RIPK3: variants seen among roughly 807,000 people sequenced by gnomAD.
RIPK3 encodes the protein receptor interacting serine/threonine kinase 3.
A neutral mutation model predicts 51.6 loss-of-function variants in RIPK3; 51 were observed. The observed-to-expected ratio is 0.99, with a 90% CI of 0.79 to 1.25. The LOEUF is 1.25. Ranked by LOEUF, RIPK3 falls within the 50% of genes most tolerant of loss-of-function variation. The pLI, the probability that RIPK3 is intolerant of heterozygous loss-of-function variation, is 0.00. For missense variants in RIPK3, 654 were observed against 650.4 expected, an observed-to-expected ratio of 1.01 and a Z score of -0.06; for synonymous variants, 246 against 257.7, an observed-to-expected ratio of 0.95 and a Z score of 0.44.
chr14:24,336,318 T>C lies in RIPK3; in HGVS notation c.1414A>G (p.Thr472Ala), dbSNP rs748839941. Residue 472 changes from threonine (T) to alanine (A), a missense_variant, in exon 10 of 10, where the codon ACT becomes GCT. Transcript: ENST00000216274. ...GCCAAGCCCCATGTGGGCAAGGCAG[T>C]TGTCTGTTGCATAGTCAAGTAGTTG... is the stretch of plus-strand genomic sequence containing the variant. ...DNNYLTMQQT[T>A]ALPTWGLAPS... 58 of 1,613,438 alleles carry C rather than the reference T, an allele frequency of 3.6e-5. No individual in the cohort carries two copies. Among genetic ancestry groups the C allele is most frequent in the Non-Finnish European group, 4.7e-5 (56 of 1,179,538 alleles).
At position 24,339,547 on chromosome 14, in the gene RIPK3, TG is replaced by T; in HGVS notation, c.70del (p.Gln24ArgfsTer29). On this transcript the variant is annotated frameshift_variant, in exon 2 of 10. Coordinates refer to ENST00000216274, the MANE Select transcript of RIPK3 (RefSeq NM_006871.4). LOFTEE classifies it high-confidence loss of function. The surrounding 1 kb of genome is among the most constrained non-coding windows in gnomAD (Gnocchi z 4.0). ...PLVSIEELEN[Q>X]ELVGKGGFGT... ...GAACCCGCCTTTGCCGACGAGCTCC[TG>T]GTTCTCCAGTTCCTCGATGGACACC... is the stretch of plus-strand genomic sequence containing the variant. 1 of 1,614,186 alleles carries T rather than the reference TG, an allele frequency of 6.2e-7. No individual in the cohort carries two copies. The highest frequency in any genetic ancestry group is 8.5e-7 in the Non-Finnish European group (1 of 1,180,020).
chr14:24,339,972 C>G lies in RIPK3; in HGVS notation c.-146G>C. ...AGACCAAGACGGTGAGTCTACTTTCCGGGTTGTTACCCTTTTTCCGAGTTG... is the reference window on the plus strand; with the variant it reads ...AGACCAAGACGGTGAGTCTACTTTCGGGGTTGTTACCCTTTTTCCGAGTTG... On this transcript the variant is annotated 5_prime_UTR_variant, in exon 1 of 10. Transcript: ENST00000216274. The surrounding 1 kb of genome is among the most constrained non-coding windows in gnomAD (Gnocchi z 4.0). 1 of 810,264 alleles carries G rather than the reference C, an allele frequency of 1.2e-6. No individual in the cohort carries two copies. Among genetic ancestry groups the G allele is most frequent in the Non-Finnish European group, 1.8e-6 (1 of 543,564 alleles). The allele number at this position is 810,264 out of a possible 1,614,324, so 50.2% of individuals were successfully genotyped here. A position where few individuals can be genotyped will look rare whatever the true frequency, so the allele number is the denominator to read the frequency against.
Position 24,337,185 on chromosome 14 carries a change from C to T in RIPK3, c.1176G>A (p.Met392Ile). Residue 392 changes from methionine to isoleucine, a missense_variant, in exon 8 of 10, where the codon ATG (methionine) becomes ATA (isoleucine). By Grantham distance (10) the Met-to-Ile change is conservative. Coordinates refer to ENST00000216274, the MANE Select transcript of RIPK3 (RefSeq NM_006871.4). ...TCTCTGGAGTCTGGGGAGGTTGGGC[C>T]ATCGAATCTGAAGATGTGCCTGCTG... is the stretch of plus-strand genomic sequence containing the variant. ...AWTAGTSSDS[M>I]AQPPQTPETS... 1 of 1,613,236 alleles carries T rather than the reference C, an allele frequency of 6.2e-7. No individual in the cohort carries two copies. Among genetic ancestry groups the T allele is most frequent in the South Asian group, 1.1e-5 (1 of 91,080 alleles).
chr14:24,339,955 A>C lies in RIPK3; in HGVS notation c.-129T>G, dbSNP rs1355905763. The C allele has an allele frequency of 3.1e-6, 3 of 956,242 alleles. No homozygotes were observed. The highest frequency in any genetic ancestry group is 2.1e-5 in the South Asian group (1 of 47,398). 59.2% of individuals were successfully genotyped at this position (956,242 alleles called of 1,614,324 possible). A position where few individuals can be genotyped will look rare whatever the true frequency, so the allele number is the denominator to read the frequency against. ...TGCAGGGGTCAGTCTCTAGACCAAGACGGTGAGTCTACTTTCCGGGTTGTT... is the reference window on the plus strand; with the variant it reads ...TGCAGGGGTCAGTCTCTAGACCAAGCCGGTGAGTCTACTTTCCGGGTTGTT... On this transcript the variant is annotated 5_prime_UTR_variant, in exon 1 of 10. Transcript: ENST00000216274. The surrounding 1 kb of genome is among the most constrained non-coding windows in gnomAD (Gnocchi z 4.0).
Position 24,337,342 on chromosome 14 carries a change from C to T in RIPK3, c.1019G>A (p.Arg340His), listed in dbSNP as rs142489519. ...FRRTIENQHS[R>H]NDVMVSEWLN... The stretch of plus-strand genomic sequence containing the variant: ...CCACTCAGAAACCATGACATCATTA[C>T]GAGAGTGCTGGTTTTCTATGGTTCT... The change falls in exon 8 of 10, where the codon CGT (arginine) becomes CAT (histidine). Residue 340 changes from arginine (R) to histidine (H), a missense_variant. Physicochemically the swap from Arg to His is conservative, Grantham distance 29 (BLOSUM62 0). Coordinates refer to ENST00000216274, the MANE Select transcript of RIPK3 (RefSeq NM_006871.4). 2.9e-5 allele frequency: 47 copies of T among 1,613,884 alleles called. No homozygotes were observed. The highest frequency in any genetic ancestry group is 5.0e-5 in the Admixed American group (3 of 60,006).
chr14:24,338,430 G>C lies in RIPK3; in HGVS notation c.609C>G (p.Asp203Glu), dbSNP rs750219401. Residue 203 changes from aspartate (D) to glutamate (E), a missense_variant, in exon 4 of 10, where the codon GAC becomes GAG. Physicochemically the swap from Asp to Glu is conservative, Grantham distance 45. Coordinates refer to ENST00000216274, the MANE Select transcript of RIPK3 (RefSeq NM_006871.4). ...TGGGCCGGGATCCTTACCTGTAGAC[G>C]TCACTGGCTGTGGAGGCCTTCCGGT... ...NVNRKASTAS[D>E]VYSFGILMWA... 3 of 1,612,596 alleles carry C rather than the reference G, an allele frequency of 1.9e-6. No individual in the cohort carries two copies. The highest frequency in any genetic ancestry group is 3.3e-5 in the Admixed American group (2 of 59,914).
chr14:24,336,214 C>G lies in RIPK3; in HGVS notation c.1518G>C (p.Trp506Cys). ...SQEGPKDPEA[W>C]SRPQGWYNHS... ...GATTATACCAACCCTGTGGCCTGCT[C>G]CAGGCTTCAGGATCTTTAGGGCCTT... The change falls in exon 10 of 10, where the codon TGG (tryptophan) becomes TGC (cysteine). Residue 506 changes from tryptophan to cysteine, a missense_variant. Transcript: ENST00000216274. 2.5e-6 allele frequency: 4 copies of G among 1,614,028 alleles called. No individual in the cohort carries two copies. The highest frequency in any genetic ancestry group is 3.4e-6 in the Non-Finnish European group (4 of 1,179,998).
Position 24,339,785 on chromosome 14 carries a change from C to G in RIPK3, c.20+22G>C, listed in dbSNP as rs779295780. The G allele has an allele frequency of 3.8e-6, 6 of 1,573,460 alleles. No homozygotes were observed. The Admixed American group carries it at 1.1e-4, about 29-fold the overall frequency. ...GGGTGTGAATGTCGGAGGCTGCGATCGACATGCCACTCCCTACTCACCATA... is the reference window on the plus strand; with the variant it reads ...GGGTGTGAATGTCGGAGGCTGCGATGGACATGCCACTCCCTACTCACCATA... On this transcript the variant is annotated intron_variant, in intron 1 of 9. Transcript: ENST00000216274. The surrounding 1 kb of genome is among the most constrained non-coding windows in gnomAD (Gnocchi z 4.0).
chr14:24,339,779 T>C lies in RIPK3; in HGVS notation c.20+28A>G. 6.4e-7 allele frequency: 1 copy of C among 1,571,442 alleles called. No individual in the cohort carries two copies. The highest frequency in any genetic ancestry group is 1.4e-5 in the African/African-American group (1 of 73,568). On this transcript the variant is annotated intron_variant, in intron 1 of 9. Transcript: ENST00000216274. The surrounding 1 kb of genome is among the most constrained non-coding windows in gnomAD (Gnocchi z 4.0). The stretch of plus-strand genomic sequence containing the variant: ...CTCTCTGGGTGTGAATGTCGGAGGC[T>C]GCGATCGACATGCCACTCCCTACTC...
rs991102868 is a variant in RIPK3, at chr14:24,339,538, A to G, written c.80T>C (p.Val27Ala). 2.5e-6 allele frequency: 4 copies of G among 1,613,954 alleles called. No homozygotes were observed. In the African/African-American group the frequency reaches 5.3e-5, roughly 22 times the overall value. ...SIEELENQELVGKGGFGTVFR... is the reference protein window; with the variant it reads ...SIEELENQELAGKGGFGTVFR... ...CACTGTGCCGAACCCGCCTTTGCCG[A>G]CGAGCTCCTGGTTCTCCAGTTCCTC... is the stretch of plus-strand genomic sequence containing the variant. The change falls in exon 2 of 10, where the codon GTC (valine) becomes GCC (alanine). Residue 27 changes from valine to alanine, a missense_variant. By Grantham distance (64) the Val-to-Ala change is moderately conservative. Coordinates refer to ENST00000216274, the MANE Select transcript of RIPK3 (RefSeq NM_006871.4). The surrounding 1 kb of genome is among the most constrained non-coding windows in gnomAD (Gnocchi z 4.0).
Position 24,339,159 on chromosome 14 carries a change from C to G in RIPK3, c.327G>C (p.Gln109His). 1 of 1,614,262 alleles carries G rather than the reference C, an allele frequency of 6.2e-7. No individual in the cohort carries two copies. The highest frequency in any genetic ancestry group is 8.5e-7 in the Non-Finnish European group (1 of 1,180,042). The stretch of plus-strand genomic sequence containing the variant: ...AAAGGAGCGGCCAGGGCCGAGGGCA[C>G]TGGGACTGCAGCAGCCCCGACAAGG... ...NGSLSGLLQSQCPRPWPLLCR... is the reference protein window; with the variant it reads ...NGSLSGLLQSHCPRPWPLLCR... Residue 109 changes from glutamine to histidine, a missense_variant, in exon 3 of 10, where the codon CAG becomes CAC. By Grantham distance (24) the Gln-to-His change is conservative. Coordinates refer to ENST00000216274, the MANE Select transcript of RIPK3 (RefSeq NM_006871.4). The surrounding 1 kb of genome is among the most constrained non-coding windows in gnomAD (Gnocchi z 4.0).
chr14:24,338,330 C>A (rs779661943), intron 4 of RIPK3, 35 bp from the exon 5 acceptor site: 9 of 1,535,926 alleles, frequency 5.9e-6, no homozygotes, highest in Admixed American at 2.0e-5. Flanking sequence ...TCGGTCCAAT[C>A]ACTGGCAAGA....
Position 24,336,685 on chromosome 14 carries a change from C to A in RIPK3, c.1336+200G>T, listed in dbSNP as rs2042139122. The A allele has an allele frequency of 4.4e-6, 3 of 685,002 alleles. No homozygotes were observed. In the South Asian group the frequency reaches 5.4e-5, roughly 12 times the overall value. The allele number at this position is 685,002 out of a possible 1,614,324, so 42.4% of individuals were successfully genotyped here. ...TGTGGAAAGTTAGAAGATTCAGGGA[C>A]AAATCCAAGCTTTGTTGTGTGACCT... On this transcript the variant is annotated intron_variant, in intron 9 of 9. Transcript: ENST00000216274.
chr14:24,337,365 T>A lies in RIPK3; in HGVS notation c.996A>T (p.Arg332Ser), dbSNP rs1025607197. 1 of 1,613,958 alleles carries A rather than the reference T, an allele frequency of 6.2e-7. No homozygotes were observed. The highest frequency in any genetic ancestry group is 8.5e-7 in the Non-Finnish European group (1 of 1,179,920). ...QGGTEMDGFR[R>S]TIENQHSRND... The stretch of plus-strand genomic sequence containing the variant: ...TACGAGAGTGCTGGTTTTCTATGGT[T>A]CTCCTAAAGCCATCCATTTCTGTCC... The change falls in exon 8 of 10, where the codon AGA becomes AGT. Residue 332 changes from arginine to serine, a missense_variant. Arg to Ser is a moderately radical substitution (Grantham distance 110). Coordinates refer to ENST00000216274, the MANE Select transcript of RIPK3 (RefSeq NM_006871.4).
Position 24,337,104 on chromosome 14 carries a change from A to G in RIPK3, c.1257T>C (p.Pro419=), listed in dbSNP as rs762167400. ...PSPTSTGTPS[P]GPRGNQGAER... is the part of the protein sequence containing the mutation. ...GTCTCACCTGATTCCCTCGGGGTCC[A>G]GGACTTGGTGTTCCAGTTGAGGTAG... The change falls in exon 8 of 10, where the codon CCT becomes CCC. Residue 419 remains proline (P), a synonymous_variant. Transcript: ENST00000216274. 4 of 1,611,322 alleles carry G rather than the reference A, an allele frequency of 2.5e-6. No individual in the cohort carries two copies. The highest frequency in any genetic ancestry group is 4.5e-5 in the East Asian group (2 of 44,896).
At chr14:24,337,550 TG>T in intron 7 of RIPK3, 90 bp from the exon 8 acceptor site, 2 of 1,608,068 alleles carry the variant, frequency 1.2e-6, no homozygotes, top group Non-Finnish European at 1.7e-6. Flanking sequence ...ATCTGTTGTC[TG>T]GGAACTCAGG....
chr14:24,338,360 C>T (rs952383507), intron 4 of RIPK3, 62 bp downstream of exon 4: 4 of 1,563,380 alleles, frequency 2.6e-6, no homozygotes, highest in African/African-American at 1.4e-5. Flanking sequence ...TATACATCAT[C>T]CCCTGGGAGG....
Position 24,337,215 on chromosome 14 carries a change from G to C in RIPK3, c.1146C>G (p.Ala382=). Residue 382 remains alanine, a synonymous_variant, in exon 8 of 10, where the codon GCC becomes GCG. Transcript: ENST00000216274. ...SRAQEEQVPQ[A]WTAGTSSDSM... is the part of the protein sequence containing the mutation. ...AATCTGAAGATGTGCCTGCTGTCCA[G>C]GCTTGTGGAACCTGCTCCTCTTGTG... 6.2e-7 allele frequency: 1 copy of C among 1,613,928 alleles called. No homozygotes were observed. Among genetic ancestry groups the C allele is most frequent in the African/African-American group, 1.3e-5 (1 of 75,044 alleles).
At position 24,337,478 on chromosome 14, in the gene RIPK3, G is replaced by A. The variant is rs2042148032; in HGVS notation, c.901-18C>T. ...TCCTTTACCTGCAGGGATGGGAGGAGTTTGCTGGGTATGACTTGGATGAGC... is the reference window on the plus strand; with the variant it reads ...TCCTTTACCTGCAGGGATGGGAGGAATTTGCTGGGTATGACTTGGATGAGC... On this transcript the variant is annotated intron_variant, in intron 7 of 9. Coordinates refer to ENST00000216274, the MANE Select transcript of RIPK3 (RefSeq NM_006871.4). 6.2e-7 allele frequency: 1 copy of A among 1,611,284 alleles called. No individual in the cohort carries two copies. Among genetic ancestry groups the A allele is most frequent in the Admixed American group, 1.7e-5 (1 of 59,890 alleles).
Sources: allele counts gnomAD v4.1 joint callset, GRCh38; gene constraint gnomAD v4.1.1; non-coding constraint Gnocchi (gnomAD v3.1); transcripts MANE v1.5; gene names NCBI Gene and HGNC (gene_info 2026-07-23, HGNC 2026-07-21).